The following ZCCHC7 variants were observed in gnomAD, a reference collection of about 807,000 sequenced individuals.
ZCCHC7 encodes the protein zinc finger CCHC-type containing 7.
ZCCHC7 carries 35 observed loss-of-function variants against 52.0 expected under a neutral mutation model. That is an observed-to-expected ratio of 0.67 (90% CI 0.51 to 0.89). The LOEUF (loss-of-function observed/expected upper bound fraction) is 0.89, where lower values mean the gene tolerates loss of function less well. Among genes scored for constraint, ZCCHC7 ranks in the 40% least tolerant of loss-of-function variants. ZCCHC7 has a pLI of 0.00. For missense variants in ZCCHC7, 574 were observed against 649.1 expected, an observed-to-expected ratio of 0.88 and a Z score of 1.26; for synonymous variants, 217 against 221.5, an observed-to-expected ratio of 0.98 and a Z score of 0.18.
At chr9:37,352,435 G>T (rs1036473300) in intron 7 of ZCCHC7, among the ~76,000 whole-genome samples, 1 of 149,120 alleles carries the variant, frequency 6.7e-6, no homozygotes, top group Admixed American at 6.7e-5. Flanking sequence ...GGCTGGGAGA[G>T]TTAAAGATTC....
intron 5 of ZCCHC7, among the ~76,000 whole-genome samples, chr9:37,314,244 T>C (rs1425706344): frequency 3.9e-5 from 6 of 152,202 alleles, no homozygotes. Flanking sequence ...CTTTATAAAC[T>C]TTATAAGCTC....
intron 2 of ZCCHC7, among the ~76,000 whole-genome samples, chr9:37,137,946 CT>C (rs1434581218): frequency 6.6e-6 from 1 of 152,124 alleles, no homozygotes; most frequent in Non-Finnish European, 1.5e-5. Context: ...TGACATACTT[CT>C]CATTAATGTA....
intron 2 of ZCCHC7, among the ~76,000 whole-genome samples, chr9:37,219,165 C>T: frequency 6.6e-6 from 1 of 152,188 alleles, no homozygotes. Context: ...TTTAAAACCA[C>T]TTCCAGAATG....
At chr9:37,134,414 CTGT>C (rs1842917424) in intron 2 of ZCCHC7, among the ~76,000 whole-genome samples, 2 of 152,178 alleles carry the variant, frequency 1.3e-5, no homozygotes, top group Admixed American at 6.5e-5. Context: ...GATTTTCTCT[CTGT>C]TGTTACATCA....
chr9:37,228,141 A>C (rs1175729439), intron 2 of ZCCHC7, among the ~76,000 whole-genome samples: 1 of 152,146 alleles, frequency 6.6e-6, no homozygotes, highest in Non-Finnish European at 1.5e-5. Flanking sequence ...ACAGTGGACT[A>C]TGTACTGTAT....
At chr9:37,120,740 C>T (rs1234990173) in intron 1 of ZCCHC7, 117 bp downstream of exon 1, 3 of 352,180 alleles carry the variant, frequency 8.5e-6, no homozygotes, top group East Asian at 4.1e-5. Flanking sequence ...TCGACGTCTC[C>T]CGTCCGCCCC....
chr9:37,342,584 A>G (rs745425517), intron 6 of ZCCHC7, among the ~76,000 whole-genome samples: 1 of 152,202 alleles, frequency 6.6e-6, no homozygotes, highest in Non-Finnish European at 1.5e-5. Flanking sequence ...AACAAAGGAG[A>G]CTGCAGAAGA....
intron 2 of ZCCHC7, among the ~76,000 whole-genome samples, chr9:37,127,595 A>T (rs1055946601): frequency 6.6e-6 from 1 of 152,204 alleles, no homozygotes; most frequent in East Asian, 1.9e-4. Flanking sequence ...TATGCCTTCA[A>T]GAAGTTCCTT....
rs968012931 is a variant in ZCCHC7, at chr9:37,153,104, CCTAT to C, written c.610+26165_610+26168del. On this transcript the variant is annotated intron_variant, in intron 2 of 8. Coordinates refer to ENST00000336755, the MANE Select transcript of ZCCHC7 (RefSeq NM_032226.3). ...GGCTCCTATGTTTCTTTAATATACT[CCTAT>C]CTTTTTTCCTTAATTTTATTTTTTA... is the stretch of plus-strand genomic sequence containing the variant. Among the ~76,000 whole-genome samples the C allele has an allele frequency of 1.4e-4, 21 of 151,734 alleles. No homozygotes were observed. The South Asian group carries it at 1.5e-3, about 11-fold the overall frequency.
At chr9:37,149,442 C>T (rs1365496392) in intron 2 of ZCCHC7, among the ~76,000 whole-genome samples, 1 of 152,010 alleles carries the variant, frequency 6.6e-6, no homozygotes, top group Non-Finnish European at 1.5e-5. Context: ...AAATACCCCC[C>T]TGTCCCCAAC....
rs147863012 is a variant in ZCCHC7, at chr9:37,349,595, A to G, written c.1083+143A>G. On this transcript the variant is annotated intron_variant, in intron 7 of 8. Coordinates refer to ENST00000336755, the MANE Select transcript of ZCCHC7 (RefSeq NM_032226.3). ...GACTTAATATATTTTCAACTGGTTT[A>G]CCCCTCCCCTCCCTGCTAGAGTAAC... 235 of 761,176 alleles carry G rather than the reference A, an allele frequency of 3.1e-4. No individual in the cohort carries two copies. The African/African-American group carries it at 3.8e-3, about 12-fold the overall frequency. The allele number at this position is 761,176 out of a possible 1,614,324, so 47.2% of individuals were successfully genotyped here.
chr9:37,339,742 A>C (rs533802628), intron 6 of ZCCHC7, among the ~76,000 whole-genome samples: 1 of 152,328 alleles, frequency 6.6e-6, no homozygotes, highest in African/African-American at 2.4e-5. Flanking sequence ...ATAGAAACAC[A>C]TAGTGTAGTC....
chr9:37,242,181 T>G (rs1386862225), intron 2 of ZCCHC7, among the ~76,000 whole-genome samples: 1 of 151,808 alleles, frequency 6.6e-6, no homozygotes, highest in Non-Finnish European at 1.5e-5. Flanking sequence ...ATTAAATTAG[T>G]ATTAAATAAA....
chr9:37,336,147 C>T (rs1830640297), intron 6 of ZCCHC7, among the ~76,000 whole-genome samples: 1 of 152,020 alleles, frequency 6.6e-6, no homozygotes, highest in Non-Finnish European at 1.5e-5. Flanking sequence ...TACTTTATGC[C>T]TTCACATGAT....
chr9:37,317,837 C>T (rs1317625222), intron 5 of ZCCHC7, among the ~76,000 whole-genome samples: 2 of 103,890 alleles, frequency 1.9e-5, no homozygotes, highest in Middle Eastern at 4.5e-3. Context: ...TCCCCCACTC[C>T]CCCCGACCCC....
intron 2 of ZCCHC7, among the ~76,000 whole-genome samples, chr9:37,161,034 C>G (rs1373575358): frequency 6.6e-6 from 1 of 151,614 alleles, no homozygotes; most frequent in Admixed American, 6.6e-5. Context: ...ACTGCACTCT[C>G]CACCTCCTGG....
intron 2 of ZCCHC7, among the ~76,000 whole-genome samples, chr9:37,239,827 G>A (rs992458209): frequency 1.4e-4 from 22 of 152,046 alleles, no homozygotes; most frequent in Middle Eastern, 3.2e-3. Flanking sequence ...TGCTTTACCT[G>A]TATGTTTAAT....
chr9:37,304,636 A>T (rs966048446), intron 4 of ZCCHC7, among the ~76,000 whole-genome samples: 2 of 151,120 alleles, frequency 1.3e-5, no homozygotes, highest in African/African-American at 4.9e-5. Flanking sequence ...AGCCTGGGTG[A>T]CAAAGTGAAA....
chr9:37,199,760 C>T (rs150918621), intron 2 of ZCCHC7, among the ~76,000 whole-genome samples: 112 of 152,048 alleles, frequency 7.4e-4, no homozygotes, highest in Middle Eastern at 3.4e-3. Context: ...GGCTGGAGTG[C>T]AGTGGCGCGA....
Sources: allele counts gnomAD v4.1 joint callset (sites outside exome capture counted in the v4.1 genomes callset), GRCh38; gene constraint gnomAD v4.1.1; transcripts MANE v1.5; gene names NCBI Gene and HGNC (gene_info 2026-07-23, HGNC 2026-07-21).